TCP10L: variants seen among roughly 807,000 people sequenced by gnomAD.
The protein encoded by TCP10L is T-complex protein 10A homolog 1.
TCP10L carries 11 observed loss-of-function variants against 19.2 expected under a neutral mutation model. The ratio of observed to expected loss-of-function variants is 0.57; its 90% CI spans 0.36 to 0.95. The LOEUF (loss-of-function observed/expected upper bound fraction) is 0.95. TCP10L is among the 40% of genes least tolerant of loss of function. The pLI is 0.01. For missense variants in TCP10L, 247 were observed against 263.9 expected (o/e 0.94, Z 0.44); for synonymous variants, 96 against 97.2 (o/e 0.99, Z 0.07).
chr21:32,580,696 T>C (rs1365945301), intron 3 of TCP10L, among the ~76,000 whole-genome samples: 1 of 152,210 alleles, frequency 6.6e-6, no homozygotes, highest in Non-Finnish European at 1.5e-5. Flanking sequence ...TGTATAATTT[T>C]AATGATTCAA....
intron 3 of TCP10L, among the ~76,000 whole-genome samples, chr21:32,580,398 G>C (rs949070697): frequency 2.6e-5 from 4 of 151,988 alleles, no homozygotes; most frequent in Non-Finnish European, 4.4e-5. Flanking sequence ...GAGCCACCGC[G>C]CCCAGCTGTG....
At position 32,574,618 on chromosome 21, in the gene TCP10L, A is replaced by G; in HGVS notation, c.*2156T>C. 1 of 183,282 alleles carries G rather than the reference A, an allele frequency of 5.5e-6. No homozygotes were observed. Among genetic ancestry groups the G allele is most frequent in the African/African-American group, 2.4e-5 (1 of 42,550 alleles). The allele number at this position is 183,282 out of a possible 1,614,324, so 11.4% of individuals were successfully genotyped here. ...TTGGGGAAGAAGCAGTGAACTCATC[A>G]GGTTGAACGTGGCTGAGAAATCCAC... On this transcript the variant is annotated 3_prime_UTR_variant, in exon 5 of 5. Coordinates refer to ENST00000300258, the MANE Select transcript of TCP10L (RefSeq NM_144659.7).
intron 3 of TCP10L, among the ~76,000 whole-genome samples, chr21:32,580,701 A>G (rs1601124561): frequency 6.6e-6 from 1 of 152,166 alleles, no homozygotes; most frequent in Non-Finnish European, 1.5e-5. Context: ...AATTTTAATG[A>G]TTCAAGTTAT....
Position 32,578,613 on chromosome 21 carries a change from G to T in TCP10L, c.498+81C>A. The T allele has an allele frequency of 6.5e-7, 1 of 1,542,660 alleles. No homozygotes were observed. The highest frequency in any genetic ancestry group is 2.3e-5 in the East Asian group (1 of 44,392). ...TGCTCACCCAGGGAGGTGAAATTGT[G>T]TGGTGAGGAGCTGATGGGATGTGTG... On this transcript the variant is annotated intron_variant, in intron 4 of 4. Transcript: ENST00000300258. The surrounding 1 kb of genome is among the most constrained non-coding windows in gnomAD (Gnocchi z 4.2).
intron 4 of TCP10L, 128 bp from the exon 5 acceptor site, chr21:32,577,051 A>G (rs1312588864): frequency 1.0e-6 from 1 of 959,544 alleles, no homozygotes; most frequent in South Asian, 1.8e-5. Flanking sequence ...AGAAGGACAC[A>G]TGAGGTATCC....
chr21:32,580,904 G>A (rs1334388574), intron 3 of TCP10L, among the ~76,000 whole-genome samples: 1 of 152,236 alleles, frequency 6.6e-6, no homozygotes. Context: ...GGATAGAGCA[G>A]GTTAGTGATA....
At position 32,581,299 on chromosome 21, in the gene TCP10L, C is replaced by G. The variant is rs749516796; in HGVS notation, c.360+901G>C. On this transcript the variant is annotated intron_variant, in intron 3 of 4. Coordinates refer to ENST00000300258, the MANE Select transcript of TCP10L (RefSeq NM_144659.7). ...CACTCCATCTCCCTTCTGGCTCCCC[C>G]ATCTGCTGACAGGTATCACCACTCA... Among the ~76,000 whole-genome samples, 44 of 152,200 alleles carry G rather than the reference C, an allele frequency of 2.9e-4. 1 individual carries two copies. The highest frequency in any genetic ancestry group is 5.7e-4 in the Non-Finnish European group (39 of 68,034).
intron 3 of TCP10L, among the ~76,000 whole-genome samples, 194 bp from the exon 4 acceptor site, chr21:32,579,025 T>A (rs909935492): frequency 6.6e-6 from 1 of 152,218 alleles, no homozygotes; most frequent in Non-Finnish European, 1.5e-5. Flanking sequence ...GGAACCTTTG[T>A]GGAGCCGATG....
In TCP10L at chr21:32,576,760, C is replaced by T; in HGVS notation, c.*14G>A. On this transcript the variant is annotated 3_prime_UTR_variant, in exon 5 of 5. Coordinates refer to ENST00000300258, the MANE Select transcript of TCP10L (RefSeq NM_144659.7). ...TGTAGAGTGACACAGGTGTCCGAGG[C>T]CACCTTTCCATCTTCAGACACCCCC... 8 of 1,611,088 alleles carry T rather than the reference C, an allele frequency of 5.0e-6. No individual in the cohort carries two copies. Among genetic ancestry groups the T allele is most frequent in the Non-Finnish European group, 6.8e-6 (8 of 1,178,916 alleles).
At position 32,576,285 on chromosome 21, in the gene TCP10L, A is replaced by G; in HGVS notation, c.*489T>C. 1 of 1,573,956 alleles carries G rather than the reference A, an allele frequency of 6.4e-7. No individual in the cohort carries two copies. On this transcript the variant is annotated 3_prime_UTR_variant, in exon 5 of 5. Coordinates refer to ENST00000300258, the MANE Select transcript of TCP10L (RefSeq NM_144659.7). The stretch of plus-strand genomic sequence containing the variant: ...AAGCCTGCACTGGTGATTTTCTGCC[A>G]CTCAAGTTTTGCAGACTTCGGGAAG...
chr21:32,583,905 C>T (rs2038527138), intron 2 of TCP10L, among the ~76,000 whole-genome samples: 1 of 152,204 alleles, frequency 6.6e-6, no homozygotes, highest in Non-Finnish European at 1.5e-5. Flanking sequence ...CTGGTGCCTT[C>T]TCCTGGATTA....
At chr21:32,583,448 G>A (rs1045252156) in intron 2 of TCP10L, among the ~76,000 whole-genome samples, 8 of 151,752 alleles carry the variant, frequency 5.3e-5, no homozygotes, top group Non-Finnish European at 1.2e-4. Context: ...AATTAGCCGG[G>A]CGTAGTGGCG....
Position 32,576,076 on chromosome 21 carries a change from A to C in TCP10L, c.*698T>G. 3.9e-6 allele frequency: 2 copies of C among 515,360 alleles called. No individual in the cohort carries two copies. The highest frequency in any genetic ancestry group is 3.4e-5 in the East Asian group (1 of 29,174). 31.9% of individuals were successfully genotyped at this position (515,360 alleles called of 1,614,324 possible). A position where few individuals can be genotyped will look rare whatever the true frequency, so the allele number is the denominator to read the frequency against. ...TGAGGACCCAACGAGGGAATCAGACAAAAAGTGGCCACAAATTAGGCAGCT... is the reference window on the plus strand; with the variant it reads ...TGAGGACCCAACGAGGGAATCAGACCAAAAGTGGCCACAAATTAGGCAGCT... On this transcript the variant is annotated 3_prime_UTR_variant, in exon 5 of 5. Transcript: ENST00000300258.
At chr21:32,584,805 C>T (rs79592554) in intron 1 of TCP10L, among the ~76,000 whole-genome samples, 11,970 of 152,108 alleles carry the variant, frequency 0.079, 561 homozygotes, top group Non-Finnish European at 0.1. Flanking sequence ...CAGCACCCAC[C>T]TGGAGGGGCA....
rs534355004 is a variant in TCP10L, at chr21:32,579,949, G to A, written c.361-1118C>T. 6.6e-5 allele frequency among the ~76,000 whole-genome samples: 10 copies of A among 152,226 alleles called. No homozygotes were observed. In the East Asian group the frequency reaches 9.7e-4, roughly 15 times the overall value. The stretch of plus-strand genomic sequence containing the variant: ...TCTTCCTTCCGCAGAAGGACTCGGC[G>A]CTTTGCTGTGCTGAGAGGCTAAACT... On this transcript the variant is annotated intron_variant, in intron 3 of 4. Transcript: ENST00000300258.
chr21:32,576,907 A>G lies in TCP10L; in HGVS notation c.515T>C (p.Ile172Thr). 2 of 1,611,452 alleles carry G rather than the reference A, an allele frequency of 1.2e-6. No individual in the cohort carries two copies. Among genetic ancestry groups the G allele is most frequent in the South Asian group, 1.1e-5 (1 of 89,988 alleles). Reference sequence around the variant, plus strand: ...TGTTTTCCACGAGCTAATTCTTTCTATCTTTAAACTCATTGGCTGAAAACA... The same window carrying G: ...TGTTTTCCACGAGCTAATTCTTTCTGTCTTTAAACTCATTGGCTGAAAACA... ...SAPPKPMSLK[I>T]ERISSWKTPP... The change falls in exon 5 of 5, where the codon ATA becomes ACA. Residue 172 changes from isoleucine (I) to threonine (T), a missense_variant. Ile to Thr is a moderately conservative substitution (Grantham distance 89). Coordinates refer to ENST00000300258, the MANE Select transcript of TCP10L (RefSeq NM_144659.7).
At chr21:32,580,952 G>A (rs150280600) in intron 3 of TCP10L, among the ~76,000 whole-genome samples, 11 of 152,342 alleles carry the variant, frequency 7.2e-5, no homozygotes, top group East Asian at 1.9e-4. Flanking sequence ...GGAGAAGAAC[G>A]GGGTCCCTGG....
In TCP10L at chr21:32,576,239, C is replaced by T. The variant is rs1238809023; in HGVS notation, c.*535G>A. ...GCTCCTCCGGCTGCTGCCATCTGCTCCTGCAGCATGGCGGCCTGGGAAGCC... is the reference window on the plus strand; with the variant it reads ...GCTCCTCCGGCTGCTGCCATCTGCTTCTGCAGCATGGCGGCCTGGGAAGCC... On this transcript the variant is annotated 3_prime_UTR_variant, in exon 5 of 5. Coordinates refer to ENST00000300258, the MANE Select transcript of TCP10L (RefSeq NM_144659.7). 1.4e-5 allele frequency: 22 copies of T among 1,552,934 alleles called. No individual in the cohort carries two copies. The highest frequency in any genetic ancestry group is 4.6e-5 in the South Asian group (4 of 86,510).
intron 4 of TCP10L, chr21:32,577,772 G>T (rs553662880): frequency 4.5e-4 from 68 of 152,346 alleles, no homozygotes; most frequent in African/African-American, 1.5e-3. Context: ...AAAGACATAC[G>T]CACGGAAGTA....
Sources: allele counts gnomAD v4.1 joint callset (sites outside exome capture counted in the v4.1 genomes callset), GRCh38; gene constraint gnomAD v4.1.1; non-coding constraint Gnocchi (gnomAD v3.1); transcripts MANE v1.5; gene names NCBI Gene and HGNC (gene_info 2026-07-23, HGNC 2026-07-21).